CARMIL1: variants seen among roughly 807,000 people sequenced by gnomAD.
The protein encoded by CARMIL1 is capping protein regulator and myosin 1 linker 1, also known as F-actin-uncapping protein LRRC16A.
A neutral mutation model predicts 177.1 loss-of-function variants in CARMIL1; 90 were observed. The observed-to-expected ratio is 0.51, with a 90% CI of 0.43 to 0.61. The LOEUF is 0.61. CARMIL1 is among the 20% of genes least tolerant of loss of function. The probability of loss-of-function intolerance (pLI) is 0.00; values close to 1 mark genes in which losing one functional copy is unlikely to be tolerated. For synonymous variants in CARMIL1, 577 were observed against 606.2 expected (o/e 0.95, Z 0.71); for missense variants, 1,380 against 1,667.0 (o/e 0.83, Z 3.00).
chr6:25,592,280 G>A (rs1400394751), intron 31 of CARMIL1, among the ~76,000 whole-genome samples: 5 of 152,112 alleles, frequency 3.3e-5, no homozygotes, highest in Non-Finnish European at 5.9e-5. Flanking sequence ...ACATAATAAC[G>A]TGTAAAACAC....
intron 5 of CARMIL1, among the ~76,000 whole-genome samples, chr6:25,442,004 A>G (rs558945435): frequency 3.3e-5 from 5 of 152,118 alleles, no homozygotes; most frequent in African/African-American, 1.2e-4. Context: ...TAAACAAGAG[A>G]AAGGTGGTTG....
intron 31 of CARMIL1, among the ~76,000 whole-genome samples, chr6:25,590,779 TAA>T (rs1203519632): frequency 6.6e-6 from 1 of 152,178 alleles, no homozygotes; most frequent in Non-Finnish European, 1.5e-5. Context: ...AGAATTCGTT[TAA>T]GTTTTTAATT....
Position 25,323,245 on chromosome 6 carries a change from A to G in CARMIL1, c.138+38336A>G, listed in dbSNP as rs182578547. Reference sequence around the variant, plus strand: ...GTGCAGCATCTGGAAAAGTATTGGTAGAAAAGAATATTCTCAGTGAGAAGG... The same window carrying G: ...GTGCAGCATCTGGAAAAGTATTGGTGGAAAAGAATATTCTCAGTGAGAAGG... On this transcript the variant is annotated intron_variant, in intron 2 of 36. Transcript: ENST00000329474. Among the ~76,000 whole-genome samples the G allele has an allele frequency of 7.2e-5, 11 of 151,944 alleles. No individual in the cohort carries two copies. In the East Asian group the frequency reaches 1.9e-3, roughly 27 times the overall value.
intron 18 of CARMIL1, among the ~76,000 whole-genome samples, 165 bp from the exon 19 acceptor site, chr6:25,510,337 TGAAAA>T (rs1805348020): frequency 6.6e-6 from 1 of 152,070 alleles, no homozygotes; most frequent in Admixed American, 6.6e-5. Flanking sequence ...TAATAGGACA[TGAAAA>T]GAGAGCAAAG....
intron 3 of CARMIL1, 127 bp downstream of exon 3, chr6:25,420,291 AC>A: frequency 1.2e-6 from 1 of 845,338 alleles, no homozygotes; most frequent in Non-Finnish European, 2.0e-6. Context: ...ACACACACAC[AC>A]CTCACTTACA....
At chr6:25,570,852 T>C (rs1812010196) in intron 29 of CARMIL1, among the ~76,000 whole-genome samples, 1 of 152,212 alleles carries the variant, frequency 6.6e-6, no homozygotes, top group South Asian at 2.1e-4. Context: ...TGTCCATTGA[T>C]TTATTGCAGC....
chr6:25,364,344 G>A (rs566773196), intron 2 of CARMIL1, among the ~76,000 whole-genome samples: 2 of 152,064 alleles, frequency 1.3e-5, no homozygotes, highest in East Asian at 3.9e-4. Flanking sequence ...GACCACCACC[G>A]CAGTTAAGAT....
chr6:25,338,256 CAA>C (rs869144757), intron 2 of CARMIL1, among the ~76,000 whole-genome samples: 1 of 58,108 alleles, frequency 1.7e-5, no homozygotes. Flanking sequence ...GACTCTGTCT[CAA>C]AAAAAAAAAA....
At chr6:25,385,071 G>T (rs1264371196) in intron 2 of CARMIL1, among the ~76,000 whole-genome samples, 2 of 152,188 alleles carry the variant, frequency 1.3e-5, no homozygotes, top group African/African-American at 4.8e-5. Flanking sequence ...TTCGGTGAGA[G>T]AGGAAAGTTG....
At chr6:25,541,094 G>A (rs914825522) in intron 26 of CARMIL1, among the ~76,000 whole-genome samples, 1 of 152,054 alleles carries the variant, frequency 6.6e-6, no homozygotes, top group East Asian at 1.9e-4. Context: ...GTTTTATCCT[G>A]CATGAAGGAT....
chr6:25,582,827 A>T (rs559424330), intron 31 of CARMIL1, among the ~76,000 whole-genome samples: 11 of 152,096 alleles, frequency 7.2e-5, no homozygotes, highest in African/African-American at 2.7e-4. Context: ...TGGCCATAAT[A>T]CATTATTTTA....
At chr6:25,355,330 A>G (rs1361617147) in intron 2 of CARMIL1, among the ~76,000 whole-genome samples, 1 of 152,100 alleles carries the variant, frequency 6.6e-6, no homozygotes, top group Non-Finnish European at 1.5e-5. Context: ...AATCCAGTTT[A>G]CAAATAACTA....
chr6:25,491,555 T>C (rs572189592), intron 13 of CARMIL1, among the ~76,000 whole-genome samples, 177 bp from the exon 14 acceptor site: 1 of 152,358 alleles, frequency 6.6e-6, no homozygotes, highest in African/African-American at 2.4e-5. Flanking sequence ...TTAACTATTC[T>C]TGGGATTTTC....
chr6:25,397,255 G>A (rs550422054), intron 2 of CARMIL1, among the ~76,000 whole-genome samples: 2 of 152,276 alleles, frequency 1.3e-5, no homozygotes, highest in Admixed American at 6.5e-5. Flanking sequence ...CTCCACAAAA[G>A]CAAGTCCTTC....
At chr6:25,531,023 T>C (rs1023827474) in intron 24 of CARMIL1, among the ~76,000 whole-genome samples, 9 of 152,188 alleles carry the variant, frequency 5.9e-5, no homozygotes, top group Non-Finnish European at 1.5e-5. Context: ...AAACTAAAAT[T>C]AGAAGTTTAA....
intron 4 of CARMIL1, among the ~76,000 whole-genome samples, chr6:25,433,747 C>T (rs556520802): frequency 1.3e-5 from 2 of 152,244 alleles, no homozygotes; most frequent in African/African-American, 2.4e-5. Context: ...ATCAAATACT[C>T]GTTGACAGAT....
intron 2 of CARMIL1, among the ~76,000 whole-genome samples, chr6:25,290,482 G>C (rs990855281): frequency 8.6e-5 from 13 of 151,236 alleles, no homozygotes; most frequent in African/African-American, 3.2e-4. Context: ...TGCCTGTTTG[G>C]GGGAGAGGAA....
chr6:25,427,801 T>A (rs1256674964), intron 4 of CARMIL1, among the ~76,000 whole-genome samples: 1 of 152,218 alleles, frequency 6.6e-6, no homozygotes, highest in Non-Finnish European at 1.5e-5. Flanking sequence ...ATTTCCCTAA[T>A]GACAGAACAT....
intron 2 of CARMIL1, among the ~76,000 whole-genome samples, chr6:25,391,705 G>T (rs545465670): frequency 6.6e-6 from 1 of 152,234 alleles, no homozygotes; most frequent in East Asian, 1.9e-4. Context: ...TATTGCCAGG[G>T]CTCAAAAAAA....
Sources: allele counts gnomAD v4.1 joint callset (sites outside exome capture counted in the v4.1 genomes callset), GRCh38; gene constraint gnomAD v4.1.1; transcripts MANE v1.5; gene names NCBI Gene and HGNC (gene_info 2026-07-23, HGNC 2026-07-21).